The following YARS1 variants were observed in gnomAD, a reference collection of about 807,000 sequenced individuals.
The protein encoded by YARS1 is tyrosine--tRNA ligase, cytoplasmic.
In YARS1, 36 loss-of-function variants were observed where a neutral mutation model predicts 62.2. The observed-to-expected ratio is 0.58, with a 90% CI of 0.44 to 0.76. The LOEUF (loss-of-function observed/expected upper bound fraction) is 0.76, where lower values mean the gene tolerates loss of function less well. Ranked by LOEUF, YARS1 falls within the 30% of genes least tolerant of loss-of-function variation. The pLI is 0.00. For synonymous variants in YARS1, 234 were observed against 244.9 expected, an observed-to-expected ratio of 0.96 and a Z score of 0.42; for missense variants, 524 against 639.8, an observed-to-expected ratio of 0.82 and a Z score of 1.95.
chr1:32,785,973 G>T (rs1653213054), intron 8 of YARS1, among the ~76,000 whole-genome samples: 1 of 151,422 alleles, frequency 6.6e-6, no homozygotes, highest in African/African-American at 2.4e-5. Context: ...GGTACTTGAA[G>T]AAGTATGGTT....
At chr1:32,812,969 C>CA (rs371599312) in intron 1 of YARS1, among the ~76,000 whole-genome samples, 27,392 of 89,708 alleles carry the variant, frequency 0.31, 3,405 homozygotes, top group Middle Eastern at 0.39. Context: ...ACTCTGTCTC[C>CA]AAAAAAAAAA....
chr1:32,810,255 TTTA>T (rs1638555616), intron 3 of YARS1, among the ~76,000 whole-genome samples: 1 of 152,180 alleles, frequency 6.6e-6, no homozygotes, highest in Admixed American at 6.5e-5. Flanking sequence ...TCACATTTCT[TTTA>T]TTATTATTTG....
intron 6 of YARS1, chr1:32,790,629 T>G (rs1653385676): frequency 6.5e-6 from 1 of 153,574 alleles, no homozygotes; most frequent in South Asian, 1.9e-4. Flanking sequence ...CAAGGTCTAA[T>G]CAACACTTTT....
At position 32,810,957 on chromosome 1, in the gene YARS1, A is replaced by C. The variant is rs1315293052; in HGVS notation, c.158T>G (p.Phe53Cys). 1 of 1,613,984 alleles carries C rather than the reference A, an allele frequency of 6.2e-7. No homozygotes were observed. The highest frequency in any genetic ancestry group is 8.5e-7 in the Non-Finnish European group (1 of 1,180,026). The change falls in exon 2 of 13, where the codon TTT (phenylalanine) becomes TGT (cysteine). Residue 53 changes from phenylalanine to cysteine, a missense_variant. Transcript: ENST00000373477. ...ATTGKPHVAY[F>C]VPMSKIADFL... ...GTCTGCAATCTTTGACATGGGCACA[A>C]AGTAAGCCACATGTGGTTTGCCCGT...
chr1:32,795,136 G>A (rs545519208), intron 5 of YARS1, among the ~76,000 whole-genome samples: 6 of 151,396 alleles, frequency 4.0e-5, no homozygotes, highest in East Asian at 2.0e-4. Context: ...TGGCTAACAC[G>A]GTGAAACCCC....
At chr1:32,810,853 AGTCTCTCTTGG>A in intron 2 of YARS1, 47 bp downstream of exon 2, 11 of 1,614,016 alleles carry the variant, frequency 6.8e-6, no homozygotes, top group Non-Finnish European at 9.3e-6. Context: ...GTCCTTGTTA[AGTCTCTCTTGG>A]GTCTCCCTTG....
rs1158075092 is a variant in YARS1, at chr1:32,804,343, C to G, written c.510+2139G>C. ...GTCAGAGGCACCCCCAACCTCCCTC[C>G]CGGACGGGGTGGCTGGCCGGGCGGG... On this transcript the variant is annotated intron_variant, in intron 4 of 12. Transcript: ENST00000373477. 4.0e-5 allele frequency among the ~76,000 whole-genome samples: 6 copies of G among 149,298 alleles called. No individual in the cohort carries two copies. The East Asian group carries it at 1.2e-3, about 31-fold the overall frequency.
chr1:32,780,119 CT>C lies in YARS1; in HGVS notation c.1299del (p.Val434SerfsTer12). On this transcript the variant is annotated frameshift_variant, in exon 11 of 13. Coordinates refer to ENST00000373477, the MANE Select transcript of YARS1 (RefSeq NM_003680.4). LOFTEE classifies it high-confidence loss of function. ...LCNLKPQKMR[G>X]VESQGMLLCA... ...CACAGAAGCATGCCTTGGGACTCGA[CT>C]CCTCTCATCTTCTGGGGTTTCAGGT... The C allele has an allele frequency of 6.2e-7, 1 of 1,614,196 alleles. No individual in the cohort carries two copies. The highest frequency in any genetic ancestry group is 1.1e-5 in the South Asian group (1 of 91,080).
At chr1:32,797,636 C>G in intron 5 of YARS1, 127 bp downstream of exon 5, 1 of 844,624 alleles carries the variant, frequency 1.2e-6, no homozygotes, top group Admixed American at 1.9e-5. Context: ...TCAGTGTTCT[C>G]ATCTGCAAAA....
intron 3 of YARS1, among the ~76,000 whole-genome samples, 174 bp downstream of exon 3, chr1:32,810,417 C>T (rs1638558563): frequency 6.6e-6 from 1 of 152,178 alleles, no homozygotes; most frequent in Admixed American, 6.5e-5. Flanking sequence ...CAGTACACTT[C>T]TGATGGATGA....
At chr1:32,805,221 A>G (rs553084896) in intron 4 of YARS1, among the ~76,000 whole-genome samples, 6 of 26,674 alleles carry the variant, frequency 2.2e-4, no homozygotes, top group East Asian at 2.8e-3. Flanking sequence ...GACGGTGGAA[A>G]GGGGAGAGGG....
chr1:32,790,421 G>T (rs1653378153), intron 6 of YARS1, among the ~76,000 whole-genome samples: 1 of 144,750 alleles, frequency 6.9e-6, no homozygotes. Context: ...GGCTGAGGCA[G>T]GAGAATGGCA....
At chr1:32,779,790 A>G in intron 11 of YARS1, 1 of 611,766 alleles carries the variant, frequency 1.6e-6, no homozygotes, top group African/African-American at 1.8e-5. Flanking sequence ...CGAGGACTTT[A>G]TAGACATCAA....
chr1:32,787,512 A>AT lies in YARS1; in HGVS notation c.685-438dup, dbSNP rs5773386. Among the ~76,000 whole-genome samples the AT allele has an allele frequency of 1.2e-3, 169 of 142,470 alleles. 2 individuals carry two copies. The highest frequency in any genetic ancestry group is 4.7e-3 in the East Asian group (23 of 4,860). 93.5% of individuals were successfully genotyped at this position (142,470 alleles called of 152,430 possible). A position where few individuals can be genotyped will look rare whatever the true frequency, so the allele number is the denominator to read the frequency against. ...ATGTGGTAAAAATAAATAAATAAAGATTTTTTTTTTTTTTTGAGACGGAGT... is the reference window on the plus strand; with the variant it reads ...ATGTGGTAAAAATAAATAAATAAAGATTTTTTTTTTTTTTTTGAGACGGAGT... On this transcript the variant is annotated intron_variant, in intron 6 of 12. Transcript: ENST00000373477.
chr1:32,802,731 A>G (rs1638330269), intron 4 of YARS1, among the ~76,000 whole-genome samples: 1 of 152,204 alleles, frequency 6.6e-6, no homozygotes. Context: ...TGGGCTTAAA[A>G]TGCTCAGTAA....
chr1:32,786,975 G>C lies in YARS1; in HGVS notation c.785C>G (p.Ser262Cys). The change falls in exon 7 of 13, where the codon TCC (serine) becomes TGC (cysteine). Residue 262 changes from serine to cysteine, a missense_variant. Physicochemically the swap from Ser to Cys is moderately radical, Grantham distance 112. Transcript: ENST00000373477. ...GGGAAAAAGGACATGCTTGATGAAG[G>C]ACAGAACCCCATTGTTCTCCACATT... ...PGNVENNGVL[S>C]FIKHVLFPLK... 1 of 1,614,092 alleles carries C rather than the reference G, an allele frequency of 6.2e-7. No homozygotes were observed.
intron 4 of YARS1, among the ~76,000 whole-genome samples, chr1:32,802,978 AT>A (rs34189200): frequency 0.76 from 67,402 of 88,512 alleles, 25,659 homozygotes; most frequent in East Asian, 0.88. Context: ...ACGCCTGGCT[AT>A]TTTTTTTTTT....
chr1:32,794,236 G>C (rs1653501365), intron 5 of YARS1, among the ~76,000 whole-genome samples: 1 of 151,958 alleles, frequency 6.6e-6, no homozygotes, highest in Non-Finnish European at 1.5e-5. Flanking sequence ...TGTAATCCCA[G>C]CTACTCAGTA....
At chr1:32,780,660 A>T (rs1366181337) in intron 10 of YARS1, 1 of 414,888 alleles carries the variant, frequency 2.4e-6, no homozygotes, top group African/African-American at 2.0e-5. Flanking sequence ...CACTGGGTGC[A>T]TAACCTTCTG....
Sources: allele counts gnomAD v4.1 joint callset (sites outside exome capture counted in the v4.1 genomes callset), GRCh38; gene constraint gnomAD v4.1.1; transcripts MANE v1.5; gene names NCBI Gene and HGNC (gene_info 2026-07-23, HGNC 2026-07-21).